Variants in RAB10 observed in about 807,000 individuals in gnomAD.
The protein encoded by RAB10 is RAB10, member RAS oncogene family, also known as ras-related protein Rab-10.
RAB10 carries 5 observed loss-of-function variants against 25.7 expected under a neutral mutation model. That is an observed-to-expected ratio of 0.19 (90% CI 0.10 to 0.41). The LOEUF is 0.41. RAB10 is among the 10% of genes least tolerant of loss of function. The pLI, the probability that RAB10 is intolerant of heterozygous loss-of-function variation, is 1.00. For synonymous variants in RAB10, 89 were observed against 86.4 expected (o/e 1.03, Z -0.16); for missense variants, 103 against 245.8 (o/e 0.42, Z 3.89).
intron 3 of RAB10, 112 bp downstream of exon 3, chr2:26,110,018 ATT>A (rs1293360719): frequency 1.7e-6 from 2 of 1,166,434 alleles, no homozygotes; most frequent in Non-Finnish European, 2.3e-6. Flanking sequence ...TGAAGTCATT[ATT>A]ATTGAAGTAT....
At chr2:26,105,776 T>C (rs1427818455) in intron 2 of RAB10, among the ~76,000 whole-genome samples, 1 of 152,268 alleles carries the variant, frequency 6.6e-6, no homozygotes, top group African/African-American at 2.4e-5. Context: ...ATCAATATTG[T>C]AATACCACAT....
intron 2 of RAB10, among the ~76,000 whole-genome samples, chr2:26,109,067 A>G (rs1035403991): frequency 1.6e-4 from 24 of 151,856 alleles, no homozygotes; most frequent in Admixed American, 1.6e-3. Context: ...ACGTGCCACC[A>G]TGCCGGGCTA....
intron 2 of RAB10, among the ~76,000 whole-genome samples, chr2:26,106,744 G>C (rs1287882263): frequency 1.1e-4 from 17 of 151,450 alleles, no homozygotes; most frequent in Middle Eastern, 3.5e-3. Context: ...AAATTGTCCA[G>C]TGTGGTGGCA....
intron 2 of RAB10, among the ~76,000 whole-genome samples, chr2:26,107,888 A>G (rs557389909): frequency 6.6e-6 from 1 of 152,174 alleles, no homozygotes; most frequent in South Asian, 2.1e-4. Context: ...GGACATGTGG[A>G]TGGCAAATAA....
At chr2:26,092,682 A>G (rs998800926) in intron 1 of RAB10, among the ~76,000 whole-genome samples, 5 of 152,120 alleles carry the variant, frequency 3.3e-5, no homozygotes, top group African/African-American at 1.2e-4. Context: ...TAGCGCTTTC[A>G]GATTGTATCC....
At position 26,089,775 on chromosome 2, in the gene RAB10, C is replaced by G. The variant is rs193251938; in HGVS notation, c.128-8887C>G. ...ATGAGAATTTAATACTCTTACACCACCAGATATTCCTGGCACCTCTTTCTT... is the reference window on the plus strand; with the variant it reads ...ATGAGAATTTAATACTCTTACACCAGCAGATATTCCTGGCACCTCTTTCTT... On this transcript the variant is annotated intron_variant, in intron 1 of 5. Coordinates refer to ENST00000264710, the MANE Select transcript of RAB10 (RefSeq NM_016131.5). Among the ~76,000 whole-genome samples, 5 of 152,304 alleles carry G rather than the reference C, an allele frequency of 3.3e-5. No homozygotes were observed. The East Asian group carries it at 9.6e-4, about 29-fold the overall frequency.
At chr2:26,120,817 C>T (rs1167055126) in intron 3 of RAB10, among the ~76,000 whole-genome samples, 1 of 152,172 alleles carries the variant, frequency 6.6e-6, no homozygotes, top group Non-Finnish European at 1.5e-5. Context: ...GTCTCAATCT[C>T]CTGACCTCGT....
chr2:26,107,245 CAAA>C (rs57391958), intron 2 of RAB10, among the ~76,000 whole-genome samples: 4 of 66,798 alleles, frequency 6.0e-5, no homozygotes, highest in Non-Finnish European at 9.7e-5. Flanking sequence ...CACCCTGTTT[CAAA>C]AAAAAAAAAA....
intron 5 of RAB10, among the ~76,000 whole-genome samples, chr2:26,128,873 G>A (rs552631771): frequency 3.9e-5 from 6 of 152,226 alleles, no homozygotes; most frequent in South Asian, 2.1e-4. Flanking sequence ...TCGGATTTTC[G>A]TATTTTCCCT....
At chr2:26,041,728 A>G (rs1279155562) in intron 1 of RAB10, among the ~76,000 whole-genome samples, 1 of 151,688 alleles carries the variant, frequency 6.6e-6, no homozygotes, top group East Asian at 1.9e-4. Flanking sequence ...AACATGGTGA[A>G]ACCCTGTCTC....
chr2:26,092,338 TAAC>T lies in RAB10; in HGVS notation c.128-6312_128-6310del, dbSNP rs142312640. Among the ~76,000 whole-genome samples, 799 of 145,166 alleles carry T rather than the reference TAAC, an allele frequency of 5.5e-3. 17 individuals carry two copies. The highest frequency in any genetic ancestry group is 0.045 in the East Asian group (219 of 4,872). On this transcript the variant is annotated intron_variant, in intron 1 of 5. Transcript: ENST00000264710. ...GTGTGTGTGTTGGGGTGGTTAATAA[TAAC>T]AACAACAACAAAGCCTGTTTGGAAA... is the stretch of plus-strand genomic sequence containing the variant.
At chr2:26,050,234 T>G (rs183166319) in intron 1 of RAB10, among the ~76,000 whole-genome samples, 1 of 152,218 alleles carries the variant, frequency 6.6e-6, no homozygotes, top group South Asian at 2.1e-4. Flanking sequence ...TTTCACTCAG[T>G]TGAGTGTTTG....
rs1667049823 is a variant in RAB10 at position 26,089,104 on chromosome 2, T to TAA, written c.128-9558_128-9557insAA. Reference sequence around the variant, plus strand: ...AGACTGGAGAGGTGGCTTGGGGCCATGCTCAGAAATATATTTATTCATAGA... The same window carrying TAA: ...AGACTGGAGAGGTGGCTTGGGGCCATAAGCTCAGAAATATATTTATTCATAGA... On this transcript the variant is annotated intron_variant, in intron 1 of 5. Coordinates refer to ENST00000264710, the MANE Select transcript of RAB10 (RefSeq NM_016131.5). Among the ~76,000 whole-genome samples the TAA allele has an allele frequency of 2.6e-5, 4 of 152,026 alleles. No individual in the cohort carries two copies. In the East Asian group the frequency reaches 7.7e-4, roughly 29 times the overall value.
At chr2:26,127,266 TG>T in intron 4 of RAB10, 33 bp downstream of exon 4, 1 of 1,473,012 alleles carries the variant, frequency 6.8e-7, no homozygotes, top group Admixed American at 2.1e-5. Context: ...TACTCTGCTC[TG>T]TCTTTGTAAA....
chr2:26,060,531 G>A (rs187770530), intron 1 of RAB10, among the ~76,000 whole-genome samples: 538 of 152,218 alleles, frequency 3.5e-3, no homozygotes, highest in African/African-American at 0.012. Flanking sequence ...CTCGTGATCT[G>A]CCCGCCTCGG....
chr2:26,118,912 T>C (rs572205853), intron 3 of RAB10, among the ~76,000 whole-genome samples: 1 of 152,364 alleles, frequency 6.6e-6, no homozygotes, highest in South Asian at 2.1e-4. Flanking sequence ...CTACCAATCT[T>C]TCTTTGGGTG....
chr2:26,069,681 AAAAG>A (rs1375172948), intron 1 of RAB10, among the ~76,000 whole-genome samples: 1 of 151,638 alleles, frequency 6.6e-6, no homozygotes, highest in Non-Finnish European at 1.5e-5. Flanking sequence ...CCCCCAAAAA[AAAAG>A]AAAAAAGGAA....
chr2:26,100,887 T>C (rs1667326085), intron 2 of RAB10, among the ~76,000 whole-genome samples: 1 of 151,956 alleles, frequency 6.6e-6, no homozygotes, highest in African/African-American at 2.4e-5. Context: ...ACACCTGCCC[T>C]GTCAGAGCTC....
chr2:26,097,272 T>C (rs1287763227), intron 1 of RAB10, among the ~76,000 whole-genome samples: 1 of 152,024 alleles, frequency 6.6e-6, no homozygotes, highest in Non-Finnish European at 1.5e-5. Context: ...ACCTCAATAC[T>C]CTTTTCTTTG....
Sources: allele counts gnomAD v4.1 joint callset (sites outside exome capture counted in the v4.1 genomes callset), GRCh38; gene constraint gnomAD v4.1.1; transcripts MANE v1.5; gene names NCBI Gene and HGNC (gene_info 2026-07-23, HGNC 2026-07-21).